The following LINGO2 variants were observed in gnomAD, a reference collection of about 807,000 sequenced individuals.
LINGO2 encodes the protein leucine-rich repeat and immunoglobulin-like domain-containing nogo receptor-interacting protein 2.
In LINGO2, 14 loss-of-function variants were observed where a neutral mutation model predicts 30.6. The observed-to-expected ratio is 0.46, with a 90% confidence interval of 0.30 to 0.72. LINGO2 has a LOEUF of 0.72. Ranked by LOEUF, LINGO2 falls within the 30% of genes least tolerant of loss-of-function variation. The pLI, the probability that LINGO2 is intolerant of heterozygous loss-of-function variation, is 0.07. For synonymous variants in LINGO2, 317 were observed against 288.5 expected (o/e 1.10, Z -1.00); for missense variants, 729 against 751.7 (o/e 0.97, Z 0.35).
intron 4 of LINGO2, among the ~76,000 whole-genome samples, chr9:28,116,958 C>G (rs1323634533): frequency 1.1e-5 from 1 of 92,234 alleles, no homozygotes; most frequent in Admixed American, 1.2e-4. Context: ...TGGTGAGGAA[C>G]TGCGTTCCTT....
At chr9:28,698,379 A>G in the LINGO2 span, among the ~76,000 whole-genome samples, 1 of 152,056 alleles carries the variant, frequency 6.6e-6, no homozygotes, top group African/African-American at 2.4e-5. Flanking sequence ...CAATGGAACT[A>G]GATATACCAA....
chr9:28,092,014 T>C (rs898175701), intron 4 of LINGO2, among the ~76,000 whole-genome samples: 2 of 152,136 alleles, frequency 1.3e-5, no homozygotes, highest in African/African-American at 4.8e-5. Context: ...TCATACCAGT[T>C]AGAATGGCGA....
At chr9:28,736,252 G>C in the LINGO2 span, among the ~76,000 whole-genome samples, 1 of 152,136 alleles carries the variant, frequency 6.6e-6, no homozygotes, top group Admixed American at 6.5e-5. Context: ...CACCCTGACT[G>C]AAATTAGGCT....
chr9:29,197,185 G>T, the LINGO2 span, among the ~76,000 whole-genome samples: 1 of 151,992 alleles, frequency 6.6e-6, no homozygotes, highest in African/African-American at 2.4e-5. Context: ...GTTCAGAAAT[G>T]TATAGCTTAA....
At chr9:28,202,123 A>G (rs1399849069) in intron 4 of LINGO2, among the ~76,000 whole-genome samples, 1 of 152,084 alleles carries the variant, frequency 6.6e-6, no homozygotes, top group Non-Finnish European at 1.5e-5. Context: ...CCCTTTTTAT[A>G]AGAACACCAG....
chr9:28,865,648 G>C, the LINGO2 span, among the ~76,000 whole-genome samples: 2 of 152,176 alleles, frequency 1.3e-5, no homozygotes, highest in East Asian at 3.9e-4. Context: ...GCCGGGCATA[G>C]TGGCTTGCGC....
chr9:28,430,833 G>A (rs1341987684), intron 2 of LINGO2, among the ~76,000 whole-genome samples: 2 of 152,068 alleles, frequency 1.3e-5, no homozygotes, highest in Non-Finnish European at 2.9e-5. Flanking sequence ...TTGTGGTCAA[G>A]GTGTTGACTG....
the LINGO2 span, among the ~76,000 whole-genome samples, chr9:28,708,666 G>A: frequency 8.6e-5 from 13 of 152,042 alleles, no homozygotes; most frequent in African/African-American, 1.2e-4. Flanking sequence ...CTATGTACAC[G>A]GTGCTTCTTC....
At chr9:27,940,615 C>A in the LINGO2 span, 2 of 152,170 alleles carry the variant, frequency 1.3e-5, no homozygotes, top group Admixed American at 6.6e-5. Context: ...GGTAGAAACT[C>A]CTAATTTTTA....
the LINGO2 span, among the ~76,000 whole-genome samples, chr9:28,783,056 T>C: frequency 7.9e-5 from 12 of 152,208 alleles, no homozygotes; most frequent in Admixed American, 6.5e-5. Context: ...TATGATGTAA[T>C]CTTATGGAGC....
chr9:28,742,707 T>C, the LINGO2 span, among the ~76,000 whole-genome samples: 1 of 152,006 alleles, frequency 6.6e-6, no homozygotes, highest in Non-Finnish European at 1.5e-5. Flanking sequence ...TACTAGATAT[T>C]TATATGTTAG....
At chr9:28,359,739 G>A (rs1820368071) in intron 3 of LINGO2, among the ~76,000 whole-genome samples, 3 of 152,162 alleles carry the variant, frequency 2.0e-5, no homozygotes, top group African/African-American at 4.8e-5. Flanking sequence ...TGAAGTTGTT[G>A]AGACACTGAG....
chr9:28,940,123 C>T, the LINGO2 span, among the ~76,000 whole-genome samples: 99 of 152,222 alleles, frequency 6.5e-4, no homozygotes, highest in African/African-American at 2.2e-3. Flanking sequence ...CTGATTATTG[C>T]ATTTCCCAAA....
chr9:28,799,522 T>C, the LINGO2 span, among the ~76,000 whole-genome samples: 2 of 152,086 alleles, frequency 1.3e-5, no homozygotes, highest in South Asian at 2.1e-4. Flanking sequence ...TATTTGGTGA[T>C]GAGTGAAGGA....
chr9:28,445,827 C>G (rs1356229190), intron 2 of LINGO2, among the ~76,000 whole-genome samples: 1 of 152,076 alleles, frequency 6.6e-6, no homozygotes, highest in South Asian at 2.1e-4. Context: ...GCTATAATTC[C>G]TTTTGTGATT....
intron 3 of LINGO2, among the ~76,000 whole-genome samples, chr9:28,368,600 T>TTTC (rs559145048): frequency 0.2 from 29,964 of 149,912 alleles, 3,208 homozygotes; most frequent in Middle Eastern, 0.38. Context: ...TTTTCTTTTT[T>TTTC]TTTTTTTTCT....
At chr9:28,118,064 C>G (rs1435667680) in intron 4 of LINGO2, among the ~76,000 whole-genome samples, 1 of 151,010 alleles carries the variant, frequency 6.6e-6, no homozygotes, top group Non-Finnish European at 1.5e-5. Flanking sequence ...GGGAACAACA[C>G]ACAGTGGGGC....
At chr9:29,131,740 T>TG in the LINGO2 span, among the ~76,000 whole-genome samples, 1 of 152,106 alleles carries the variant, frequency 6.6e-6, no homozygotes, top group Non-Finnish European at 1.5e-5. Flanking sequence ...TACATGATCA[T>TG]GTAAGCTATG....
the LINGO2 span, among the ~76,000 whole-genome samples, chr9:28,935,246 G>A: frequency 6.6e-6 from 1 of 152,062 alleles, no homozygotes; most frequent in African/African-American, 2.4e-5. Context: ...CAGTTATTAG[G>A]ACATTACATT....
Sources: gnomAD v4.1 joint callset for allele counts (sites outside exome capture counted in the v4.1 genomes callset) on GRCh38, gnomAD v4.1.1 for gene constraint, MANE v1.5 for transcripts, NCBI Gene and HGNC (gene_info 2026-07-23, HGNC 2026-07-21) for gene names.